Variants in PIEZO2 observed in about 807,000 individuals in gnomAD.
The protein encoded by PIEZO2 is piezo-type mechanosensitive ion channel component 2.
Under a neutral mutation model 337.3 loss-of-function variants are expected in PIEZO2, and 172 were observed. The observed-to-expected ratio is 0.51, with a 90% CI of 0.45 to 0.58. PIEZO2 has a LOEUF of 0.58. Ranked by LOEUF, PIEZO2 falls within the 20% of genes least tolerant of loss-of-function variation. PIEZO2 has a pLI of 0.00. For missense variants in PIEZO2, 3,028 were observed against 3,391.3 expected (o/e 0.89, Z 2.66); for synonymous variants, 1,251 against 1,228.5 (o/e 1.02, Z -0.38).
rs1488229345 is a variant in PIEZO2 at position 11,112,801 on chromosome 18, A to T, written c.64+35724T>A. 6.6e-6 allele frequency among the ~76,000 whole-genome samples: 1 copy of T among 152,192 alleles called. No individual in the cohort carries two copies. Among genetic ancestry groups the T allele is most frequent in the Non-Finnish European group, 1.5e-5 (1 of 68,036 alleles). ...CCTTCTCTCCATCTGCAGTTAGGTCACCGACAAGAGGAAGAGGCGCTATGG... is the reference window on the plus strand; with the variant it reads ...CCTTCTCTCCATCTGCAGTTAGGTCTCCGACAAGAGGAAGAGGCGCTATGG... On this transcript the variant is annotated intron_variant, in intron 1 of 55. Transcript: ENST00000674853. This position sits in a 1 kb window ranked among gnomAD's most constrained non-coding sequence, Gnocchi z 4.3.
At chr18:10,797,561 CAT>C (rs1484027922) in intron 11 of PIEZO2, 39 bp from the exon 12 acceptor site, 18 of 1,533,146 alleles carry the variant, frequency 1.2e-5, no homozygotes, top group Middle Eastern at 1.7e-4. Context: ...TTTATGCAAA[CAT>C]GTGACATTTG....
At chr18:10,876,990 C>G (rs936869257) in intron 4 of PIEZO2, among the ~76,000 whole-genome samples, 1 of 152,188 alleles carries the variant, frequency 6.6e-6, no homozygotes, top group Admixed American at 6.5e-5. Flanking sequence ...AATCTCCGTT[C>G]CCGTGGTTTT....
chr18:10,712,853 A>G (rs958098708), intron 39 of PIEZO2, among the ~76,000 whole-genome samples: 27 of 152,376 alleles, frequency 1.8e-4, no homozygotes, highest in African/African-American at 6.3e-4. Context: ...ATTAGGAAAT[A>G]CATGTTTGAC....
rs1306034888 is a variant in PIEZO2 at position 10,855,531 on chromosome 18, A to G, written c.739T>C (p.Phe247Leu). 14 of 1,536,930 alleles carry G rather than the reference A, an allele frequency of 9.1e-6. No homozygotes were observed. Among genetic ancestry groups the G allele is most frequent in the Non-Finnish European group, 1.2e-5 (14 of 1,146,912 alleles). Residue 247 changes from phenylalanine to leucine, a missense_variant, in exon 7 of 56, where the codon TTT becomes CTT. This residue lies in a region of PIEZO2 where 542 missense variants were observed against 605.6 expected (regional missense o/e 0.89). Coordinates refer to ENST00000674853, the MANE Select transcript of PIEZO2 (RefSeq NM_001378183.1). This position sits in a 1 kb window ranked among gnomAD's most constrained non-coding sequence, Gnocchi z 4.9. ...GTGCACAGACCCAAAAATACAAAAAAATACACAGATGATGTCAAAGACGGC... is the reference window on the plus strand; with the variant it reads ...GTGCACAGACCCAAAAATACAAAAAGATACACAGATGATGTCAAAGACGGC... ...MLPSLTSSVY[F>L]FVFLGLCTWW...
chr18:10,964,606 C>T (rs76565748), intron 3 of PIEZO2, among the ~76,000 whole-genome samples: 1,738 of 152,254 alleles, frequency 0.011, 39 homozygotes, highest in African/African-American at 0.039. Context: ...ACATATCAAA[C>T]AATTAACCAT....
chr18:11,053,237 T>C (rs1431372157), intron 2 of PIEZO2, among the ~76,000 whole-genome samples: 2 of 152,220 alleles, frequency 1.3e-5, no homozygotes, highest in African/African-American at 4.8e-5. Flanking sequence ...CTAAGTACTA[T>C]GTAACTAAAA....
Position 10,886,319 on chromosome 18 carries a change from C to CATAT in PIEZO2, c.330-14905_330-14904insATAT, listed in dbSNP as rs1366667653. 2.7e-3 allele frequency among the ~76,000 whole-genome samples: 88 copies of CATAT among 32,890 alleles called. 1 individual carries two copies. Among genetic ancestry groups the CATAT allele is most frequent in the South Asian group, 6.1e-3 (3 of 488 alleles). The allele number at this position is 32,890 out of a possible 152,430, so 21.6% of individuals were successfully genotyped here. Reference sequence around the variant, plus strand: ...ACTGCAGATGGTACCAAACCCTATACATACATATATATATATATATATATA... The same window carrying CATAT: ...ACTGCAGATGGTACCAAACCCTATACATATATACATATATATATATATATATATA... On this transcript the variant is annotated intron_variant, in intron 4 of 55. Coordinates refer to ENST00000674853, the MANE Select transcript of PIEZO2 (RefSeq NM_001378183.1).
At chr18:10,961,399 T>TG (rs35442496) in intron 3 of PIEZO2, among the ~76,000 whole-genome samples, 77,848 of 151,818 alleles carry the variant, frequency 0.51, 20,299 homozygotes, top group African/African-American at 0.57. Context: ...CAATGGACTT[T>TG]GGGACTTGTG....
chr18:10,770,296 T>C lies in PIEZO2; in HGVS notation c.2798A>G (p.Lys933Arg). 2.0e-6 allele frequency: 3 copies of C among 1,537,482 alleles called. No individual in the cohort carries two copies. The highest frequency in any genetic ancestry group is 2.6e-6 in the Non-Finnish European group (3 of 1,146,886). Residue 933 changes from lysine (K) to arginine (R), a missense_variant, in exon 21 of 56, where the codon AAA (lysine) becomes AGA (arginine). Lys to Arg is a conservative substitution (Grantham distance 26). Coordinates refer to ENST00000674853, the MANE Select transcript of PIEZO2 (RefSeq NM_001378183.1). ...GAGGCGGTCAATCACCAGGTGCCATTTGTTCCTTAAGTCTGCAAAATAGGA... is the reference window on the plus strand; with the variant it reads ...GAGGCGGTCAATCACCAGGTGCCATCTGTTCCTTAAGTCTGCAAAATAGGA... ...EEEETSDLRN[K>R]WHLVIDRLTV... is the part of the protein sequence containing the mutation.
intron 7 of PIEZO2, among the ~76,000 whole-genome samples, chr18:10,810,911 C>T (rs2040167108): frequency 6.6e-6 from 1 of 152,162 alleles, no homozygotes; most frequent in Non-Finnish European, 1.5e-5. Context: ...TTCCAGATAC[C>T]TCAATCATTC....
At position 11,111,638 on chromosome 18, in the gene PIEZO2, A is replaced by C. The variant is rs2865146; in HGVS notation, c.64+36887T>G. Among the ~76,000 whole-genome samples, 131,895 of 152,072 alleles carry C rather than the reference A, an allele frequency of 0.87. 57,524 individuals carry two copies. The highest frequency in any genetic ancestry group is 0.96 in the African/African-American group (39,680 of 41,506). On this transcript the variant is annotated intron_variant, in intron 1 of 55. Transcript: ENST00000674853. The surrounding 1 kb of genome is among the most constrained non-coding windows in gnomAD (Gnocchi z 6.2). ...ATCCAGTTCTTCTCCTGCCACCCCC[A>C]ACTTCCTCTCTCCTGTGCTCACATG...
chr18:10,767,010 C>T lies in PIEZO2; in HGVS notation c.2946+3138G>A, dbSNP rs2038392965. Among the ~76,000 whole-genome samples, 2 of 147,346 alleles carry T rather than the reference C, an allele frequency of 1.4e-5. No individual in the cohort carries two copies. The highest frequency in any genetic ancestry group is 5.0e-5 in the African/African-American group (2 of 40,044). The stretch of plus-strand genomic sequence containing the variant: ...ATTCCCTCCCCTCCCCTCCCCTCCC[C>T]TTCCCTCCCCTCCCCTTCCCTTCCT... On this transcript the variant is annotated intron_variant, in intron 21 of 55. Transcript: ENST00000674853. This position sits in a 1 kb window ranked among gnomAD's most constrained non-coding sequence, Gnocchi z 4.2.
rs189812590 is a variant in PIEZO2, at chr18:10,830,823, A to G, written c.918-23549T>C. Among the ~76,000 whole-genome samples, 1 of 152,340 alleles carries G rather than the reference A, an allele frequency of 6.6e-6. No homozygotes were observed. The highest frequency in any genetic ancestry group is 1.5e-5 in the Non-Finnish European group (1 of 68,022). On this transcript the variant is annotated intron_variant, in intron 7 of 55. Transcript: ENST00000674853. This position sits in a 1 kb window ranked among gnomAD's most constrained non-coding sequence, Gnocchi z 4.7. The stretch of plus-strand genomic sequence containing the variant: ...ATCAGGATATATAAGGAGTTCAAAC[A>G]ATTCAATAGGAAAAAAAATCTAATA...
rs77497394 is a variant in PIEZO2, at chr18:11,052,587, C to A, written c.160+13540G>T. On this transcript the variant is annotated intron_variant, in intron 2 of 55. Transcript: ENST00000674853. ...AAGCATCACTGGAGTAAGGAGGTGGCTTTCTAAGATTGCTACATTGAAAGA... is the reference window on the plus strand; with the variant it reads ...AAGCATCACTGGAGTAAGGAGGTGGATTTCTAAGATTGCTACATTGAAAGA... Among the ~76,000 whole-genome samples, 919 of 152,166 alleles carry A rather than the reference C, an allele frequency of 6.0e-3. 30 individuals carry two copies. In the East Asian group the frequency reaches 0.086, roughly 14 times the overall value.
rs144254901 is a variant in PIEZO2, at chr18:11,053,693, A to G, written c.160+12434T>C. Among the ~76,000 whole-genome samples the G allele has an allele frequency of 7.1e-3, 1,081 of 152,346 alleles. 10 individuals are homozygous for G. The highest frequency in any genetic ancestry group is 0.024 in the African/African-American group (998 of 41,574). On this transcript the variant is annotated intron_variant, in intron 2 of 55. Coordinates refer to ENST00000674853, the MANE Select transcript of PIEZO2 (RefSeq NM_001378183.1). Reference sequence around the variant, plus strand: ...TATTGACCAGTATGTGGCACTCACTATATCATAAGTTATAAGGAACCTGTA... The same window carrying G: ...TATTGACCAGTATGTGGCACTCACTGTATCATAAGTTATAAGGAACCTGTA...
chr18:10,757,857 T>C (rs1295458957), intron 27 of PIEZO2, 112 bp downstream of exon 27: 2 of 1,141,316 alleles, frequency 1.8e-6, no homozygotes, highest in Non-Finnish European at 2.4e-6. Context: ...AACTTCAGTG[T>C]ATACAATTCA....
Position 10,979,789 on chromosome 18 carries a change from T to A in PIEZO2, c.161-129A>T. Reference sequence around the variant, plus strand: ...AAAAGTATATGGAATGTAATAATTATCATCTTAATTATTAGTCTATAGCTA... The same window carrying A: ...AAAAGTATATGGAATGTAATAATTAACATCTTAATTATTAGTCTATAGCTA... On this transcript the variant is annotated intron_variant, in intron 2 of 55. Transcript: ENST00000674853. This position sits in a 1 kb window ranked among gnomAD's most constrained non-coding sequence, Gnocchi z 4.0. The A allele has an allele frequency of 2.2e-5, 17 of 772,576 alleles. No homozygotes were observed. The highest frequency in any genetic ancestry group is 9.6e-5 in the South Asian group (2 of 20,848). The allele number at this position is 772,576 out of a possible 1,614,324, so 47.9% of individuals were successfully genotyped here. A position where few individuals can be genotyped will look rare whatever the true frequency, so the allele number is the denominator to read the frequency against.
intron 2 of PIEZO2, among the ~76,000 whole-genome samples, chr18:10,995,061 G>C (rs942127136): frequency 9.5e-5 from 9 of 94,686 alleles, no homozygotes; most frequent in Non-Finnish European, 1.4e-4. Flanking sequence ...CTGGGCAACA[G>C]AGTGAGACTC....
In PIEZO2 at chr18:10,899,933, G is replaced by T. The variant is rs1345654560; in HGVS notation, c.329+11253C>A. On this transcript the variant is annotated intron_variant, in intron 4 of 55. Coordinates refer to ENST00000674853, the MANE Select transcript of PIEZO2 (RefSeq NM_001378183.1). The surrounding 1 kb of genome is among the most constrained non-coding windows in gnomAD (Gnocchi z 4.6). Reference sequence around the variant, plus strand: ...GAAGACTGTTTATATTAGTCATAATGATCCAATTTAGGAAGATGGAGATTA... The same window carrying T: ...GAAGACTGTTTATATTAGTCATAATTATCCAATTTAGGAAGATGGAGATTA... Among the ~76,000 whole-genome samples the T allele has an allele frequency of 6.6e-6, 1 of 152,130 alleles. No homozygotes were observed. Among genetic ancestry groups the T allele is most frequent in the East Asian group, 1.9e-4 (1 of 5,198 alleles).
Sources: allele counts gnomAD v4.1 joint callset (sites outside exome capture counted in the v4.1 genomes callset), GRCh38; gene constraint gnomAD v4.1.1; regional missense constraint gnomAD v4.1.1; non-coding constraint Gnocchi (gnomAD v3.1); transcripts MANE v1.5; gene names NCBI Gene and HGNC (gene_info 2026-07-23, HGNC 2026-07-21).